Variants in OR9Q1 observed in about 807,000 individuals in gnomAD.
OR9Q1 encodes olfactory receptor 9Q1.
For synonymous variants in OR9Q1, 153 were observed against 148.6 expected, an observed-to-expected ratio of 1.03 and a Z score of -0.22; for missense variants, 374 against 378.8, an observed-to-expected ratio of 0.99 and a Z score of 0.11.
intron 2 of OR9Q1, chr11:58,077,361 A>G (rs1853547273): frequency 6.6e-6 from 1 of 152,226 alleles, no homozygotes; most frequent in Non-Finnish European, 1.5e-5. Context: ...CAGCCTCTCA[A>G]AAACCCAGAA....
intron 2 of OR9Q1, among the ~76,000 whole-genome samples, chr11:58,150,772 T>C (rs985876440): frequency 1.1e-4 from 16 of 152,346 alleles, no homozygotes; most frequent in African/African-American, 3.8e-4. Flanking sequence ...ACGTAGTTAA[T>C]ATACAAATGT....
intron 2 of OR9Q1, among the ~76,000 whole-genome samples, chr11:58,102,737 A>G (rs747275027): frequency 1.3e-5 from 2 of 152,140 alleles, no homozygotes; most frequent in Admixed American, 6.6e-5. Flanking sequence ...AATGTGCTCC[A>G]GAGAGGATCG....
intron 2 of OR9Q1, among the ~76,000 whole-genome samples, chr11:58,126,555 A>G (rs58814281): frequency 0.03 from 4,637 of 152,314 alleles, 225 homozygotes; most frequent in African/African-American, 0.1. Context: ...TGCAGATGCC[A>G]GATGCCAGTT....
chr11:58,143,412 T>C (rs1230055626), intron 2 of OR9Q1, among the ~76,000 whole-genome samples: 2 of 152,200 alleles, frequency 1.3e-5, no homozygotes, highest in African/African-American at 4.8e-5. Flanking sequence ...AAGTGCTTTT[T>C]TCCTCCACAG....
intron 2 of OR9Q1, among the ~76,000 whole-genome samples, chr11:58,119,847 A>G (rs1237055890): frequency 6.6e-6 from 1 of 152,020 alleles, no homozygotes; most frequent in Non-Finnish European, 1.5e-5. Context: ...CCACCTGTTG[A>G]TTCTCTTTTT....
intron 2 of OR9Q1, among the ~76,000 whole-genome samples, chr11:58,120,827 T>TATATATATAC (rs1232813620): frequency 1.6e-4 from 23 of 145,110 alleles, no homozygotes; most frequent in African/African-American, 4.8e-4. Context: ...TATATATATA[T>TATATATATAC]ACATATATTC....
intron 2 of OR9Q1, among the ~76,000 whole-genome samples, chr11:58,087,722 C>T (rs142560868): frequency 1.3e-5 from 2 of 151,662 alleles, no homozygotes; most frequent in Non-Finnish European, 2.9e-5. Flanking sequence ...CCTTGCCCCC[C>T]ACCCCCTGAC....
chr11:58,120,300 T>G (rs922503993), intron 2 of OR9Q1, among the ~76,000 whole-genome samples: 11 of 152,074 alleles, frequency 7.2e-5, no homozygotes, highest in Non-Finnish European at 1.3e-4. Flanking sequence ...CAAAGTTGGG[T>G]AGAGTTTATA....
At chr11:58,031,904 T>C in intron 1 of OR9Q1, 1 of 1,590,394 alleles carries the variant, frequency 6.3e-7, no homozygotes, top group Non-Finnish European at 8.6e-7. Flanking sequence ...GAAGGGACAG[T>C]GAGGAGGCAG....
At chr11:58,132,147 T>G (rs2514176) in intron 2 of OR9Q1, among the ~76,000 whole-genome samples, 76,815 of 152,066 alleles carry the variant, frequency 0.51, 20,054 homozygotes, top group East Asian at 0.81. Context: ...GCTTATGTTT[T>G]AAATAACTCT....
chr11:58,030,917 T>C (rs761707787), intron 1 of OR9Q1: 13 of 1,312,888 alleles, frequency 9.9e-6, no homozygotes, highest in Non-Finnish European at 1.3e-5. Flanking sequence ...TCATTGTCTA[T>C]GAGGCTATGA....
intron 2 of OR9Q1, among the ~76,000 whole-genome samples, chr11:58,087,947 G>C (rs1035740664): frequency 8.6e-5 from 13 of 151,794 alleles, no homozygotes; most frequent in Non-Finnish European, 1.3e-4. Flanking sequence ...GGAGTGTAGT[G>C]GTGTGATCTC....
chr11:58,082,726 C>T (rs1853599698), intron 2 of OR9Q1, among the ~76,000 whole-genome samples: 1 of 124,594 alleles, frequency 8.0e-6, no homozygotes, highest in Admixed American at 7.9e-5. Context: ...TGCACATGTA[C>T]CCTAAAACTT....
At chr11:58,158,338 C>T (rs1224849600) in intron 2 of OR9Q1, among the ~76,000 whole-genome samples, 2 of 151,760 alleles carry the variant, frequency 1.3e-5, no homozygotes, top group Admixed American at 6.6e-5. Flanking sequence ...GTCAACAGGC[C>T]AGCCACACTC....
chr11:58,139,173 G>A (rs745430784), intron 2 of OR9Q1, among the ~76,000 whole-genome samples: 1 of 151,994 alleles, frequency 6.6e-6, no homozygotes, highest in Admixed American at 6.6e-5. Context: ...AGAATAAGGG[G>A]GCAAACCTCT....
chr11:58,175,354 A>G (rs1470967719), intron 2 of OR9Q1, among the ~76,000 whole-genome samples: 3 of 151,968 alleles, frequency 2.0e-5, no homozygotes, highest in Non-Finnish European at 4.4e-5. Flanking sequence ...CTGCCCATAT[A>G]TGTGCTGACC....
chr11:58,054,595 G>C (rs935902048), intron 1 of OR9Q1, among the ~76,000 whole-genome samples: 5 of 152,166 alleles, frequency 3.3e-5, no homozygotes, highest in Non-Finnish European at 5.9e-5. Flanking sequence ...AGTATGTAAA[G>C]TGCATGAAAA....
chr11:58,113,948 T>G (rs12796166), intron 2 of OR9Q1, among the ~76,000 whole-genome samples: 32,934 of 152,012 alleles, frequency 0.22, 4,056 homozygotes, highest in Middle Eastern at 0.39. Context: ...TGTGAAGAGC[T>G]TCTGTGAAGA....
chr11:58,117,429 A>G (rs940711505), intron 2 of OR9Q1: 1 of 152,218 alleles, frequency 6.6e-6, no homozygotes, highest in Admixed American at 6.5e-5. Flanking sequence ...TTTACATTAA[A>G]CTATGTTTTT....
Sources: gnomAD v4.1 joint callset for allele counts (sites outside exome capture counted in the v4.1 genomes callset) on GRCh38, gnomAD v4.1.1 for gene constraint, MANE v1.5 for transcripts, NCBI Gene and HGNC (gene_info 2026-07-23, HGNC 2026-07-21) for gene names.